The following SSBP3 variants were observed in gnomAD, a reference collection of about 807,000 sequenced individuals.
SSBP3 encodes single-stranded DNA-binding protein 3.
A neutral mutation model predicts 69.6 loss-of-function variants in SSBP3; 5 were observed. That is an observed-to-expected ratio of 0.07 (90% CI 0.04 to 0.15). SSBP3 has a LOEUF of 0.15. Ranked by LOEUF, SSBP3 falls within the 10% of genes least tolerant of loss-of-function variation. The probability of loss-of-function intolerance (pLI) is 1.00; values close to 1 mark genes in which losing one functional copy is unlikely to be tolerated. For missense variants in SSBP3, 312 were observed against 534.0 expected (o/e 0.58, Z 4.10); for synonymous variants, 196 against 193.4 (o/e 1.01, Z -0.11).
chr1:54,254,890 T>C (rs1225331221), intron 7 of SSBP3, among the ~76,000 whole-genome samples: 1 of 152,116 alleles, frequency 6.6e-6, no homozygotes, highest in African/African-American at 2.4e-5. Flanking sequence ...TGGAGTGCAA[T>C]GGCGCAATCT....
chr1:54,311,798 A>G (rs928307176), intron 4 of SSBP3, among the ~76,000 whole-genome samples: 6 of 152,128 alleles, frequency 3.9e-5, no homozygotes, highest in African/African-American at 1.4e-4. Context: ...AAAAGCAAGG[A>G]GGTGGCATGT....
At chr1:54,298,522 G>A (rs1645741581) in intron 4 of SSBP3, among the ~76,000 whole-genome samples, 1 of 152,156 alleles carries the variant, frequency 6.6e-6, no homozygotes, top group South Asian at 2.1e-4. Flanking sequence ...GAGGCCACCC[G>A]GCTCCAGGAG....
intron 3 of SSBP3, among the ~76,000 whole-genome samples, chr1:54,403,656 G>A (rs1227303907): frequency 2.0e-5 from 3 of 151,440 alleles, no homozygotes; most frequent in Non-Finnish European, 4.4e-5. Context: ...TGAGCTGGCA[G>A]ATAAACCCGC....
At chr1:54,272,611 C>T (rs599747) in intron 5 of SSBP3, among the ~76,000 whole-genome samples, 2,452 of 152,234 alleles carry the variant, frequency 0.016, 60 homozygotes, top group African/African-American at 0.056. Flanking sequence ...TCTCCAGCCC[C>T]GCAGGGGTCT....
chr1:54,339,247 T>G lies in SSBP3; in HGVS notation c.277-57720A>C, dbSNP rs1246819390. ...CATGGGTTACTAGGAATGTTAAGGA[T>G]TAAATGGAAAGCATAGTTAAGATTT... On this transcript the variant is annotated intron_variant, in intron 4 of 17. Coordinates refer to ENST00000610401, the Ensembl canonical transcript of SSBP3. Among the ~76,000 whole-genome samples the G allele has an allele frequency of 2.0e-5, 3 of 152,138 alleles. No individual in the cohort carries two copies. In the East Asian group the frequency reaches 5.8e-4, roughly 29 times the overall value.
At chr1:54,337,778 G>A (rs1367644764) in intron 4 of SSBP3, among the ~76,000 whole-genome samples, 1 of 151,882 alleles carries the variant, frequency 6.6e-6, no homozygotes, top group African/African-American at 2.4e-5. Flanking sequence ...GATAGGCGTG[G>A]GCCACCATGC....
chr1:54,313,097 G>A (rs891452632), intron 4 of SSBP3, among the ~76,000 whole-genome samples: 8 of 151,328 alleles, frequency 5.3e-5, no homozygotes, highest in Admixed American at 4.6e-4. Flanking sequence ...GTCGTGCTAG[G>A]GTTAGGGCGG....
chr1:54,411,433 G>A lies in SSBP3; in HGVS notation c.-275+1923C>T, dbSNP rs751167323. Among the ~76,000 whole-genome samples the A allele has an allele frequency of 4.7e-5, 7 of 149,500 alleles. No individual in the cohort carries two copies. The South Asian group carries it at 1.3e-3, about 27-fold the overall frequency. On this transcript the variant is annotated intron_variant, in intron 1 of 8. Coordinates refer to the SSBP3 transcript ENST00000525990. ...GCGGGGGTTGCAGTGAGCCGAGCTC[G>A]CACCACTGCACTCCATCATGAGCGA... is the stretch of plus-strand genomic sequence containing the variant.
chr1:54,245,605 A>T (rs1259799523), intron 9 of SSBP3, among the ~76,000 whole-genome samples: 1 of 152,178 alleles, frequency 6.6e-6, no homozygotes, highest in Non-Finnish European at 1.5e-5. Flanking sequence ...GACAGGATGC[A>T]GATGATCTCA....
upstream of SSBP3, among the ~76,000 whole-genome samples, chr1:54,407,852 C>T (rs931279093): frequency 6.7e-6 from 1 of 148,424 alleles, no homozygotes; most frequent in Non-Finnish European, 1.5e-5. Flanking sequence ...AAGGATAGGT[C>T]AGTGTCCTGG....
chr1:54,292,796 G>T (rs1430022593), intron 4 of SSBP3, among the ~76,000 whole-genome samples: 1 of 152,026 alleles, frequency 6.6e-6, no homozygotes, highest in Non-Finnish European at 1.5e-5. Context: ...TCTGGGGCAG[G>T]AAGGGTAATA....
intron 5 of SSBP3, among the ~76,000 whole-genome samples, chr1:54,267,233 G>A (rs1487691309): frequency 6.6e-6 from 1 of 152,198 alleles, no homozygotes; most frequent in Non-Finnish European, 1.5e-5. Flanking sequence ...TCCTGCTGGA[G>A]ATTCTCCGTG....
chr1:54,297,705 G>C (rs554028840), intron 4 of SSBP3, among the ~76,000 whole-genome samples: 12 of 152,332 alleles, frequency 7.9e-5, no homozygotes, highest in Admixed American at 2.6e-4. Flanking sequence ...AATCAAAGGA[G>C]CTGGGAACAA....
At chr1:54,384,261 G>A (rs1647910909) in intron 4 of SSBP3, among the ~76,000 whole-genome samples, 2 of 152,186 alleles carry the variant, frequency 1.3e-5, no homozygotes, top group African/African-American at 2.4e-5. Context: ...AAGCTCCATC[G>A]ATGTGTCAAA....
chr1:54,268,833 C>T (rs115721466), intron 5 of SSBP3, among the ~76,000 whole-genome samples: 3,098 of 152,294 alleles, frequency 0.02, 52 homozygotes, highest in Non-Finnish European at 0.03. Context: ...GCAGGTGCAA[C>T]AATACCTGGC....
exon 8 of SSBP3, chr1:54,251,828 C>T: frequency 6.2e-7 from 1 of 1,611,900 alleles, no homozygotes; most frequent in South Asian, 1.1e-5. Flanking sequence ...AATTGGGCAG[C>T]AATGGCTGTG....
chr1:54,268,523 G>C (rs1484805179), intron 5 of SSBP3, among the ~76,000 whole-genome samples: 1 of 152,194 alleles, frequency 6.6e-6, no homozygotes, highest in Admixed American at 6.5e-5. Context: ...ACTAGGAAGG[G>C]GGGCTGCAAA....
At chr1:54,228,147 C>G (rs1218469913) in intron 17 of SSBP3, 108 bp downstream of exon 17, 1 of 1,017,778 alleles carries the variant, frequency 9.8e-7, no homozygotes, top group African/African-American at 1.6e-5. Flanking sequence ...CATAACACGG[C>G]CACCAGCTTA....
At chr1:54,253,115 A>G (rs569574807) in intron 7 of SSBP3, among the ~76,000 whole-genome samples, 240 of 148,062 alleles carry the variant, frequency 1.6e-3, no homozygotes, top group African/African-American at 4.9e-3. Context: ...GTACGAGAGG[A>G]TTGTGTGAGG....
Sources: allele counts gnomAD v4.1 joint callset (sites outside exome capture counted in the v4.1 genomes callset), GRCh38; gene constraint gnomAD v4.1.1; transcripts MANE v1.5; gene names NCBI Gene and HGNC (gene_info 2026-07-23, HGNC 2026-07-21).